Variants in MDN1 observed in about 807,000 individuals in gnomAD.
MDN1 encodes midasin.
A neutral mutation model predicts 669.2 loss-of-function variants in MDN1; 266 were observed. The ratio of observed to expected loss-of-function variants is 0.40; its 90% CI spans 0.36 to 0.44. The LOEUF (loss-of-function observed/expected upper bound fraction) is 0.44, where lower values mean the gene tolerates loss of function less well. MDN1 is among the 20% of genes least tolerant of loss of function. The probability of loss-of-function intolerance (pLI) is 1.00; values close to 1 mark genes in which losing one functional copy is unlikely to be tolerated. For missense variants in MDN1, 5,940 were observed against 6,754.0 expected, an observed-to-expected ratio of 0.88 and a Z score of 4.22; for synonymous variants, 2,385 against 2,457.1, an observed-to-expected ratio of 0.97 and a Z score of 0.87.
At chr6:89,652,336 G>T in intron 94 of MDN1, 55 bp from the exon 95 acceptor site, 5 of 1,313,188 alleles carry the variant, frequency 3.8e-6, no homozygotes, top group Admixed American at 3.5e-5. Context: ...CACCAACTTA[G>T]TATCACTGGG....
Position 89,675,716 on chromosome 6 carries a change from T to C in MDN1, c.12646-137A>G, listed in dbSNP as rs143251473. 1.5e-4 allele frequency: 98 copies of C among 666,778 alleles called. No individual in the cohort carries two copies. In the East Asian group the frequency reaches 2.5e-3, roughly 17 times the overall value. The allele number at this position is 666,778 out of a possible 1,614,324, so 41.3% of individuals were successfully genotyped here. ...GTGACATATTCATTTTTTTGAGCAG[T>C]GTTTCTCCAATTATGCTTGCACAGA... On this transcript the variant is annotated intron_variant, in intron 77 of 101. Transcript: ENST00000369393.
At chr6:89,654,119 C>T in intron 93 of MDN1, 45 bp downstream of exon 93, 1 of 1,605,676 alleles carries the variant, frequency 6.2e-7, no homozygotes, top group South Asian at 1.1e-5. Context: ...CTGACTACTT[C>T]AAGTCAGAGC....
chr6:89,729,283 C>CA, intron 35 of MDN1, 144 bp from the exon 36 acceptor site: 1 of 669,986 alleles, frequency 1.5e-6, no homozygotes. Context: ...ATCCCTATTT[C>CA]AATATTTCCC....
chr6:89,735,061 T>C (rs754836213), intron 33 of MDN1, among the ~76,000 whole-genome samples: 93 of 152,084 alleles, frequency 6.1e-4, no homozygotes, highest in Non-Finnish European at 1.1e-3. Context: ...CAGCTAATTT[T>C]TGTATTTTTA....
chr6:89,660,510 A>AT (rs1170083322), intron 88 of MDN1, among the ~76,000 whole-genome samples: 1 of 151,576 alleles, frequency 6.6e-6, no homozygotes, highest in Non-Finnish European at 1.5e-5. Context: ...CCCATTATCT[A>AT]TTATTTAATT....
intron 8 of MDN1, among the ~76,000 whole-genome samples, chr6:89,786,014 C>A (rs1186607412): frequency 1.3e-5 from 2 of 151,932 alleles, no homozygotes; most frequent in Non-Finnish European, 2.9e-5. Flanking sequence ...CACCTCCCAG[C>A]ACTTTGGGAG....
intron 17 of MDN1, 134 bp downstream of exon 17, chr6:89,761,511 C>T: frequency 3.8e-6 from 2 of 527,484 alleles, no homozygotes; most frequent in South Asian, 3.9e-5. Flanking sequence ...CCATAATTAC[C>T]ATGAAGGACA....
At chr6:89,650,883 T>C in intron 95 of MDN1, 36 bp from the exon 96 acceptor site, 6 of 1,568,302 alleles carry the variant, frequency 3.8e-6, no homozygotes, top group Non-Finnish European at 5.3e-6. Flanking sequence ...ACCCTCAGAA[T>C]GTCAGAGCCA....
chr6:89,675,869 T>C (rs1192491044), intron 77 of MDN1: 3 of 560,480 alleles, frequency 5.4e-6, no homozygotes, highest in African/African-American at 3.8e-5. Flanking sequence ...TTAATTTTTC[T>C]TAAACATTAA....
At chr6:89,745,051 C>T (rs1318360147) in intron 29 of MDN1, among the ~76,000 whole-genome samples, 1 of 147,822 alleles carries the variant, frequency 6.8e-6, no homozygotes, top group Non-Finnish European at 1.5e-5. Flanking sequence ...TGGTTTGCTG[C>T]ACCCCTCAAC....
intron 29 of MDN1, 120 bp downstream of exon 29, chr6:89,745,153 G>C: frequency 7.0e-6 from 2 of 283,990 alleles, no homozygotes; most frequent in Non-Finnish European, 9.6e-6. Flanking sequence ...AAAAAAAAAA[G>C]AAAAAAGAGG....
In MDN1 at chr6:89,794,789, T is replaced by C. The variant is rs1351710892; in HGVS notation, c.342A>G (p.Arg114=). ...AGACTGGGGATGTGTCCTTGAAATA[T>C]CTCAGGGCAAACCTTCAAACACAAA... ...NHPDVLPFAL[R]YFKDTSPVFQ... The change falls in exon 3 of 102, where the codon AGA becomes AGG. Residue 114 remains arginine (R), a synonymous_variant. Coordinates refer to ENST00000369393, the MANE Select transcript of MDN1 (RefSeq NM_014611.3). 3.1e-6 allele frequency: 5 copies of C among 1,613,962 alleles called. No homozygotes were observed. Among genetic ancestry groups the C allele is most frequent in the Non-Finnish European group, 4.2e-6 (5 of 1,179,924 alleles).
Position 89,688,781 on chromosome 6 carries a change from C to T in MDN1, c.11051G>A (p.Gly3684Asp), listed in dbSNP as rs1562092624. 6.2e-7 allele frequency: 1 copy of T among 1,614,104 alleles called. No individual in the cohort carries two copies. The highest frequency in any genetic ancestry group is 1.3e-5 in the African/African-American group (1 of 75,030). ...MGVELNDRLLGSQLLACTLSH... is the reference protein window; with the variant it reads ...MGVELNDRLLDSQLLACTLSH... ...GAGGGTACAGGCCAAAAGTTGGCTG[C>T]CCAAGAGTCGGTCATTCAGTTCAAC... The change falls in exon 66 of 102, where the codon GGC becomes GAC. Residue 3684 changes from glycine to aspartate, a missense_variant. Physicochemically the swap from Gly to Asp is moderately conservative, Grantham distance 94. Transcript: ENST00000369393.
intron 96 of MDN1, 106 bp from the exon 97 acceptor site, chr6:89,650,304 C>G: frequency 9.8e-7 from 1 of 1,021,712 alleles, no homozygotes; most frequent in Non-Finnish European, 1.4e-6. Context: ...TAGCAAGTAA[C>G]TAGGAACCTG....
At chr6:89,685,027 C>T in intron 70 of MDN1, 42 bp from the exon 71 acceptor site, 1 of 1,367,412 alleles carries the variant, frequency 7.3e-7, no homozygotes, top group Non-Finnish European at 1.0e-6. Context: ...ACACTTGCTG[C>T]ATGTGCTACT....
intron 15 of MDN1, among the ~76,000 whole-genome samples, chr6:89,767,147 C>G (rs1369158504): frequency 1.3e-5 from 2 of 152,124 alleles, no homozygotes; most frequent in African/African-American, 4.8e-5. Flanking sequence ...CAAGGATTAT[C>G]TTTGGCTGTC....
rs1420515881 is a variant in MDN1, at chr6:89,811,707, G to C, written c.102+7799C>G. Among the ~76,000 whole-genome samples the C allele has an allele frequency of 2.6e-5, 4 of 152,036 alleles. No individual in the cohort carries two copies. The East Asian group carries it at 7.8e-4, about 30-fold the overall frequency. On this transcript the variant is annotated intron_variant, in intron 1 of 101. Coordinates refer to ENST00000369393, the MANE Select transcript of MDN1 (RefSeq NM_014611.3). ...GATCTGCCCACCTCAGCCTCCCAAAGTGCTGGGATTATAGGTGTGAGCCAC... is the reference window on the plus strand; with the variant it reads ...GATCTGCCCACCTCAGCCTCCCAAACTGCTGGGATTATAGGTGTGAGCCAC...
chr6:89,767,113 T>C (rs955454702), intron 15 of MDN1, among the ~76,000 whole-genome samples: 3 of 152,178 alleles, frequency 2.0e-5, no homozygotes, highest in African/African-American at 7.2e-5. Context: ...CACATCTAAG[T>C]CTTCCATGCC....
intron 19 of MDN1, 42 bp from the exon 20 acceptor site, chr6:89,756,432 A>G (rs374997342): frequency 1.5e-4 from 141 of 949,024 alleles, no homozygotes; most frequent in Non-Finnish European, 2.1e-4. Context: ...GGAAGTTAAT[A>G]TAACTATGTT....
Sources: gnomAD v4.1 joint callset for allele counts (sites outside exome capture counted in the v4.1 genomes callset) on GRCh38, gnomAD v4.1.1 for gene constraint, MANE v1.5 for transcripts, NCBI Gene and HGNC (gene_info 2026-07-23, HGNC 2026-07-21) for gene names.